Variants in RALGAPA1 observed in about 807,000 individuals in gnomAD.
RALGAPA1 encodes the protein ral GTPase-activating protein subunit alpha-1.
RALGAPA1 carries 52 observed loss-of-function variants against 269.6 expected under a neutral mutation model. That is an observed-to-expected ratio of 0.19 (90% CI 0.15 to 0.24). The LOEUF is 0.24. RALGAPA1 is among the 10% of genes least tolerant of loss of function. RALGAPA1 has a pLI of 1.00. For synonymous variants in RALGAPA1, 817 were observed against 1,008.3 expected (o/e 0.81, Z 3.60); for missense variants, 1,917 against 3,013.9 (o/e 0.64, Z 8.52).
At chr14:35,662,937 T>TGGG (rs34890691) in intron 27 of RALGAPA1, among the ~76,000 whole-genome samples, 1 of 76,474 alleles carries the variant, frequency 1.3e-5, no homozygotes, top group African/African-American at 3.8e-5. Context: ...TTTCCTTTTT[T>TGGG]GGGGGGGGGG....
chr14:35,596,044 C>G (rs2058914926), intron 36 of RALGAPA1, among the ~76,000 whole-genome samples: 1 of 151,996 alleles, frequency 6.6e-6, no homozygotes, highest in African/African-American at 2.4e-5. Context: ...TGTTAGCCTA[C>G]TAGGTGTTAA....
intron 35 of RALGAPA1, among the ~76,000 whole-genome samples, chr14:35,607,683 A>G (rs548931444): frequency 7.9e-5 from 12 of 152,212 alleles, no homozygotes; most frequent in Non-Finnish European, 1.5e-4. Flanking sequence ...GCCTAAGGTG[A>G]AAAGCAGGTT....
intron 22 of RALGAPA1, 137 bp from the exon 23 acceptor site, chr14:35,674,846 C>A: frequency 3.8e-6 from 2 of 523,960 alleles, no homozygotes; most frequent in Non-Finnish European, 6.8e-6. Flanking sequence ...TTATTTTTTC[C>A]CGATAAGGTC....
At chr14:35,612,276 C>T (rs2059982960) in intron 35 of RALGAPA1, among the ~76,000 whole-genome samples, 2 of 148,216 alleles carry the variant, frequency 1.3e-5, no homozygotes, top group African/African-American at 5.0e-5. Context: ...GAGGCTGATG[C>T]AGGAAGATCA....
chr14:35,709,101 G>C (rs2068059979), intron 16 of RALGAPA1, among the ~76,000 whole-genome samples: 2 of 152,114 alleles, frequency 1.3e-5, no homozygotes, highest in African/African-American at 4.8e-5. Context: ...GAAAGGGTAA[G>C]TGCAGATGGT....
intron 6 of RALGAPA1, among the ~76,000 whole-genome samples, chr14:35,758,840 A>G (rs542349504): frequency 2.1e-4 from 32 of 152,348 alleles, no homozygotes; most frequent in Non-Finnish European, 4.1e-4. Context: ...TAGACCAGAC[A>G]TAGTGGCTGA....
chr14:35,751,267 T>C (rs1303781027), intron 8 of RALGAPA1, among the ~76,000 whole-genome samples: 2 of 152,194 alleles, frequency 1.3e-5, no homozygotes, highest in East Asian at 1.9e-4. Flanking sequence ...CACCAATCTA[T>C]ATAAATACTG....
chr14:35,688,502 A>G lies in RALGAPA1; in HGVS notation c.3909T>C (p.Asp1303=). The G allele has an allele frequency of 3.3e-6, 5 of 1,536,086 alleles. No homozygotes were observed. Among genetic ancestry groups the G allele is most frequent in the Non-Finnish European group, 4.4e-6 (5 of 1,146,886 alleles). ...NRMPPEAPLR[D]LYSHVMGYFG... ...AATAGCCCATTACATGACTGTACAGATCCCTCAGTGGAGCCTCTGGTGGCA... is the reference window on the plus strand; with the variant it reads ...AATAGCCCATTACATGACTGTACAGGTCCCTCAGTGGAGCCTCTGGTGGCA... Residue 1303 remains aspartate, a synonymous_variant, in exon 18 of 42, where the codon GAT becomes GAC. Transcript: ENST00000680220.
chr14:35,553,650 G>A lies in RALGAPA1; in HGVS notation c.7497-4416C>T, dbSNP rs909542311. Among the ~76,000 whole-genome samples, 5 of 151,750 alleles carry A rather than the reference G, an allele frequency of 3.3e-5. No individual in the cohort carries two copies. In the South Asian group the frequency reaches 6.2e-4, roughly 19 times the overall value. Reference sequence around the variant, plus strand: ...AAGAAATGGAAATGTGTGTGTGTGTGTATATATGTATGCGTATACATATGT... The same window carrying A: ...AAGAAATGGAAATGTGTGTGTGTGTATATATATGTATGCGTATACATATGT... On this transcript the variant is annotated intron_variant, in intron 39 of 41. Coordinates refer to ENST00000680220, the MANE Select transcript of RALGAPA1 (RefSeq NM_001346249.2).
At chr14:35,757,122 T>TTATTA (rs1273548477) in intron 6 of RALGAPA1, among the ~76,000 whole-genome samples, 1 of 120,018 alleles carries the variant, frequency 8.3e-6, no homozygotes, top group Non-Finnish European at 1.8e-5. Context: ...TATTATTATT[T>TTATTA]TTTTTTTTTT....
intron 34 of RALGAPA1, 76 bp from the exon 35 acceptor site, chr14:35,625,508 T>G: frequency 9.6e-7 from 1 of 1,041,134 alleles, no homozygotes; most frequent in Non-Finnish European, 1.4e-6. Context: ...TACTTTCCAC[T>G]CTACTCATGC....
chr14:35,706,587 T>C (rs1468290591), intron 16 of RALGAPA1: 1 of 151,910 alleles, frequency 6.6e-6, no homozygotes, highest in Non-Finnish European at 1.5e-5. Flanking sequence ...CAATATTGTG[T>C]TGACTCTTCT....
intron 35 of RALGAPA1, among the ~76,000 whole-genome samples, chr14:35,608,738 A>G (rs1011489509): frequency 2.0e-5 from 3 of 152,234 alleles, no homozygotes; most frequent in Non-Finnish European, 4.4e-5. Flanking sequence ...ACATTTCCTC[A>G]ATAATAGTTG....
chr14:35,663,466 G>T (rs1239132174), intron 27 of RALGAPA1, among the ~76,000 whole-genome samples: 3 of 151,444 alleles, frequency 2.0e-5, no homozygotes, highest in Non-Finnish European at 4.4e-5. Context: ...TAGCCCCTGA[G>T]GAGCTATGTC....
chr14:35,625,374 C>T lies in RALGAPA1; in HGVS notation c.6916G>A (p.Asp2306Asn), dbSNP rs1328208777. 6.2e-7 allele frequency: 1 copy of T among 1,610,360 alleles called. No individual in the cohort carries two copies. Among genetic ancestry groups the T allele is most frequent in the African/African-American group, 1.3e-5 (1 of 74,702 alleles). ...CCAACAACTTACCACTGCCTTGAAT[C>T]CAAGTTCCTAAGTTCTCTAAGTAGC... ...EKLLRELRNL[D>N]SRQCRETHKI... Residue 2306 changes from aspartate to asparagine, a missense_variant, in exon 35 of 42, where the codon GAT becomes AAT. Asp to Asn is a conservative substitution (Grantham distance 23). This residue lies in a region of RALGAPA1 where 132 missense variants were observed against 271.2 expected (regional missense o/e 0.49). Coordinates refer to ENST00000680220, the MANE Select transcript of RALGAPA1 (RefSeq NM_001346249.2).
intron 1 of RALGAPA1, among the ~76,000 whole-genome samples, chr14:35,778,073 G>C (rs201212613): frequency 8.3e-6 from 1 of 120,722 alleles, no homozygotes. Context: ...TTACAATTTT[G>C]GGGGGGAGAC....
intron 35 of RALGAPA1, among the ~76,000 whole-genome samples, chr14:35,624,193 A>G (rs1407346897): frequency 5.2e-5 from 7 of 134,744 alleles, no homozygotes; most frequent in Non-Finnish European, 1.1e-4. Flanking sequence ...TAATATCCCT[A>G]TGATTCCAGT....
At position 35,688,931 on chromosome 14, in the gene RALGAPA1, G is replaced by A. The variant is rs147453109; in HGVS notation, c.3480C>T (p.Ser1160=). Residue 1160 remains serine, a synonymous_variant, in exon 18 of 42, where the codon TCC becomes TCT. Transcript: ENST00000680220. ...VHVTFRPSTE[S]VQFYNPLENK... is the part of the protein sequence containing the mutation. ...TTTCCAGAGGATTATAAAACTGAAC[G>A]GACTCAGTGGATGGCCTAAAAGTAA... 70 of 1,249,114 alleles carry A rather than the reference G, an allele frequency of 5.6e-5. No homozygotes were observed. The highest frequency in any genetic ancestry group is 5.5e-4 in the Admixed American group (14 of 25,580). 77.4% of individuals were successfully genotyped at this position (1,249,114 alleles called of 1,614,324 possible). A position where few individuals can be genotyped will look rare whatever the true frequency, so the allele number is the denominator to read the frequency against.
intron 36 of RALGAPA1, among the ~76,000 whole-genome samples, chr14:35,602,403 C>T (rs2139140702): frequency 1.3e-5 from 2 of 152,308 alleles, no homozygotes; most frequent in Middle Eastern, 6.8e-3. Flanking sequence ...ATGTTTTCCA[C>T]AGTGGCTGCA....
Sources: gnomAD v4.1 joint callset for allele counts (sites outside exome capture counted in the v4.1 genomes callset) on GRCh38, gnomAD v4.1.1 for gene constraint, gnomAD v4.1.1 regional missense constraint, MANE v1.5 for transcripts, NCBI Gene and HGNC (gene_info 2026-07-23, HGNC 2026-07-21) for gene names.